The following KIF21A variants were observed in gnomAD, a reference collection of about 807,000 sequenced individuals.
KIF21A encodes kinesin family member 21A, also known as kinesin-like protein KIF21A.
In KIF21A, 114 loss-of-function variants were observed where a neutral mutation model predicts 202.9. That is an observed-to-expected ratio of 0.56 (90% CI 0.48 to 0.66). The LOEUF is 0.66. Among genes scored for constraint, KIF21A ranks in the 30% least tolerant of loss-of-function variants. KIF21A has a pLI of 0.00. For missense variants in KIF21A, 1,677 were observed against 1,994.9 expected (o/e 0.84, Z 3.04); for synonymous variants, 667 against 670.8 (o/e 0.99, Z 0.09).
intron 26 of KIF21A, among the ~76,000 whole-genome samples, chr12:39,325,431 A>G (rs570573935): frequency 6.6e-6 from 1 of 151,004 alleles, no homozygotes; most frequent in East Asian, 2.0e-4. Flanking sequence ...TCCTGGGTTC[A>G]AGAGATTCTC....
chr12:39,351,522 T>C (rs547343563), intron 11 of KIF21A, among the ~76,000 whole-genome samples: 70 of 152,134 alleles, frequency 4.6e-4, no homozygotes, highest in African/African-American at 1.6e-3. Context: ...AATAATAAAA[T>C]AATTTATAAT....
chr12:39,409,301 C>T (rs1367574642), intron 1 of KIF21A, among the ~76,000 whole-genome samples: 1 of 150,952 alleles, frequency 6.6e-6, no homozygotes, highest in Non-Finnish European at 1.5e-5. Flanking sequence ...GGGAGGATTG[C>T]TTGAGCCCAG....
intron 6 of KIF21A, among the ~76,000 whole-genome samples, chr12:39,366,011 AAT>A (rs1430996326): frequency 6.6e-6 from 1 of 152,194 alleles, no homozygotes; most frequent in East Asian, 1.9e-4. Flanking sequence ...GTTTTAAAAA[AAT>A]AAAAGATAAA....
chr12:39,434,401 T>G (rs1388226049), intron 1 of KIF21A, among the ~76,000 whole-genome samples: 2 of 152,212 alleles, frequency 1.3e-5, no homozygotes, highest in Admixed American at 6.5e-5. Flanking sequence ...TTCCGACACA[T>G]GATCTTTCGG....
intron 1 of KIF21A, among the ~76,000 whole-genome samples, chr12:39,426,129 C>T (rs1238362429): frequency 6.6e-6 from 1 of 151,824 alleles, no homozygotes; most frequent in Non-Finnish European, 1.5e-5. Flanking sequence ...GAAATGGAAA[C>T]ATACGAAAAA....
intron 1 of KIF21A, among the ~76,000 whole-genome samples, chr12:39,387,510 C>A (rs1481241623): frequency 1.3e-5 from 2 of 152,128 alleles, no homozygotes; most frequent in African/African-American, 4.8e-5. Context: ...TTCCCACATA[C>A]AGGATTTGAC....
At position 39,326,257 on chromosome 12, in the gene KIF21A, T is replaced by C; in HGVS notation, c.3401+7A>G. 1 of 1,599,054 alleles carries C rather than the reference T, an allele frequency of 6.3e-7. No individual in the cohort carries two copies. Among genetic ancestry groups the C allele is most frequent in the African/African-American group, 1.3e-5 (1 of 74,760 alleles). On this transcript the variant is annotated splice_region_variant and intron_variant, in intron 25 of 37. Coordinates refer to ENST00000361418, the MANE Select transcript of KIF21A (RefSeq NM_001173464.2). ...GTCAACTCTATTGTTTCTAAAGGCC[T>C]TCTTACCTTCCTTCTGATCCTGGGC...
intron 1 of KIF21A, among the ~76,000 whole-genome samples, chr12:39,408,751 A>G (rs908910210): frequency 2.8e-4 from 43 of 152,076 alleles, no homozygotes; most frequent in African/African-American, 1.0e-3. Context: ...CACATAACAC[A>G]TGTATAATTA....
In KIF21A at chr12:39,436,448, A is replaced by ATATATATATATATATTTTTT. The variant is rs1387332677; in HGVS notation, c.44+6478_44+6479insAAAAAATATATATATATATA. 3.4e-4 allele frequency among the ~76,000 whole-genome samples: 33 copies of ATATATATATATATATTTTTT among 95,746 alleles called. No individual in the cohort carries two copies. The East Asian group carries it at 4.2e-3, about 12-fold the overall frequency. The allele number at this position is 95,746 out of a possible 152,430, so 62.8% of individuals were successfully genotyped here. Reference sequence around the variant, plus strand: ...TATATATATATATATATATATATATATTTTTTTTTTTTTTAGACAGGGTTT... The same window carrying ATATATATATATATATTTTTT: ...TATATATATATATATATATATATATATATATATATATATATTTTTTTTTTTTTTTTTTTTAGACAGGGTTT... On this transcript the variant is annotated intron_variant, in intron 1 of 37. Transcript: ENST00000361418.
At position 39,330,917 on chromosome 12, in the gene KIF21A, A is replaced by G. The variant is rs766900926; in HGVS notation, c.3154-6T>C. On this transcript the variant is annotated splice_polypyrimidine_tract_variant and splice_region_variant and intron_variant, in intron 22 of 37. Coordinates refer to ENST00000361418, the MANE Select transcript of KIF21A (RefSeq NM_001173464.2). The stretch of plus-strand genomic sequence containing the variant: ...TTCTGGGCAGCCTGAAGACCCTGAA[A>G]CACAACAAAAAATTATCTTAGGTCA... 6.2e-7 allele frequency: 1 copy of G among 1,613,786 alleles called. No homozygotes were observed. Among genetic ancestry groups the G allele is most frequent in the Non-Finnish European group, 8.5e-7 (1 of 1,179,750 alleles).
chr12:39,437,853 A>G (rs927021608), intron 1 of KIF21A, among the ~76,000 whole-genome samples: 2 of 152,162 alleles, frequency 1.3e-5, no homozygotes, highest in African/African-American at 2.4e-5. Context: ...ATAACCATCT[A>G]TTTCCATAAA....
In KIF21A at chr12:39,318,061, A is replaced by T; in HGVS notation, c.3908+12T>A. On this transcript the variant is annotated intron_variant, in intron 29 of 37. Transcript: ENST00000361418. ...ATATAAATAATTGGGGCTCTTTTCC[A>T]TAATGACTTACTTATCCTGCTGAAC... 6.2e-7 allele frequency: 1 copy of T among 1,610,968 alleles called. No homozygotes were observed.
Position 39,366,389 on chromosome 12 carries a change from G to A in KIF21A, c.864C>T (p.Gly288=), listed in dbSNP as rs1473849513. The A allele has an allele frequency of 4.3e-6, 7 of 1,613,828 alleles. No individual in the cohort carries two copies. The highest frequency in any genetic ancestry group is 5.9e-6 in the Non-Finnish European group (7 of 1,179,910). ...SERLKRTGAT[G]ERAKEGISIN... ...TAGAAATGCCTTCTTTTGCCCTCTC[G>A]CCTGTAGCTCCAGTACGCTTCAGTC... The change falls in exon 6 of 38, where the codon GGC becomes GGT. Residue 288 remains glycine, a synonymous_variant. Coordinates refer to ENST00000361418, the MANE Select transcript of KIF21A (RefSeq NM_001173464.2).
intron 1 of KIF21A, among the ~76,000 whole-genome samples, chr12:39,441,676 A>AAAAAAAAAAAAAAAAAAAAAAAAAAAAAC (rs1041857523): frequency 1.5e-5 from 2 of 137,312 alleles, no homozygotes; most frequent in African/African-American, 2.8e-5. Flanking sequence ...AAAAAAAAAA[A>AAAAAAAAAAAAAAAAAAAAAAAAAAAAAC]AAAACACTTA....
rs546737434 is a variant in KIF21A, at chr12:39,431,848, T to G, written c.44+11079A>C. 3.3e-5 allele frequency among the ~76,000 whole-genome samples: 5 copies of G among 152,368 alleles called. No individual in the cohort carries two copies. In the South Asian group the frequency reaches 8.3e-4, roughly 25 times the overall value. On this transcript the variant is annotated intron_variant, in intron 1 of 37. Transcript: ENST00000361418. ...ATTATCAAGGACAGATGGAATCTGT[T>G]GTCAATCTAAGGGCAAGTTAGCAAA...
chr12:39,410,386 A>G (rs1258821431), intron 1 of KIF21A, among the ~76,000 whole-genome samples: 1 of 149,716 alleles, frequency 6.7e-6, no homozygotes, highest in African/African-American at 2.6e-5. Context: ...AGAAGAAAAT[A>G]TGAAACTCAG....
At position 39,303,091 on chromosome 12, in the gene KIF21A, G is replaced by T; in HGVS notation, c.4605C>A (p.Thr1535=). ...CATAATGAGGGGGTTCAAAATTGTG[G>T]GTGGGACTCACAGTCCCAAGAGCTC... ...TEGALGTVSP[T]HNFEPPHYDG... is the part of the protein sequence containing the mutation. Residue 1535 remains threonine (T), a synonymous_variant, in exon 36 of 38, where the codon ACC becomes ACA. Transcript: ENST00000361418. 1 of 1,613,744 alleles carries T rather than the reference G, an allele frequency of 6.2e-7. No homozygotes were observed. Among genetic ancestry groups the T allele is most frequent in the Non-Finnish European group, 8.5e-7 (1 of 1,179,746 alleles).
At position 39,309,659 on chromosome 12, in the gene KIF21A, C is replaced by T; in HGVS notation, c.4204G>A (p.Val1402Ile). Reference sequence around the variant, plus strand: ...ATATAAGATGTTGATACAGTGAAGACCAAACTGGTATAATTACAGTATTTT... The same window carrying T: ...ATATAAGATGTTGATACAGTGAAGATCAAACTGGTATAATTACAGTATTTT... ...SVKYCNYTSL[V>I]FTVSTSYIKV... The change falls in exon 33 of 38, where the codon GTC (valine) becomes ATC (isoleucine). Residue 1402 changes from valine (V) to isoleucine (I), a missense_variant. Physicochemically the swap from Val to Ile is conservative, Grantham distance 29 (BLOSUM62 3). Around this residue, in one of 3 missense-constraint regions of KIF21A, gnomAD observed 705 missense variants for 791.9 expected, o/e 0.89. Transcript: ENST00000361418. 1 of 1,613,174 alleles carries T rather than the reference C, an allele frequency of 6.2e-7. No individual in the cohort carries two copies. The highest frequency in any genetic ancestry group is 8.5e-7 in the Non-Finnish European group (1 of 1,179,578).
chr12:39,387,769 C>T (rs1213964593), intron 1 of KIF21A, among the ~76,000 whole-genome samples: 3 of 152,100 alleles, frequency 2.0e-5, no homozygotes, highest in Admixed American at 1.3e-4. Flanking sequence ...GAGCTGACTT[C>T]CCATCTCCCA....
Sources: gnomAD v4.1 joint callset for allele counts (sites outside exome capture counted in the v4.1 genomes callset) on GRCh38, gnomAD v4.1.1 for gene constraint, gnomAD v4.1.1 regional missense constraint, MANE v1.5 for transcripts, NCBI Gene and HGNC (gene_info 2026-07-23, HGNC 2026-07-21) for gene names.